The following BSND variants were observed in gnomAD, a reference collection of about 807,000 sequenced individuals.
BSND encodes the protein barttin CLCNK type accessory subunit beta, also known as barttin.
In BSND, 13 loss-of-function variants were observed where a neutral mutation model predicts 18.8. That is an observed-to-expected ratio of 0.69 (90% CI 0.45 to 1.10). BSND has a LOEUF of 1.10. BSND is among the 50% of genes least tolerant of loss of function. The pLI is 0.00. For synonymous variants in BSND, 170 were observed against 161.8 expected (o/e 1.05, Z -0.39); for missense variants, 379 against 416.7 (o/e 0.91, Z 0.79).
chr1:55,004,893 C>A (rs902595659), intron 1 of BSND, 129 bp from the exon 2 acceptor site: 2 of 812,730 alleles, frequency 2.5e-6, no homozygotes, highest in Non-Finnish European at 4.1e-6. Flanking sequence ...CCTCTCCTGT[C>A]AAGCAGGGAG....
chr1:55,001,245 T>TGTGTGTGTGTG (rs1644360233), intron 1 of BSND, among the ~76,000 whole-genome samples: 1 of 116,994 alleles, frequency 8.5e-6, no homozygotes, highest in African/African-American at 3.4e-5. Flanking sequence ...TGTGTGTGTG[T>TGTGTGTGTGTG]TGGGGGAGAC....
chr1:55,000,700 T>C (rs568390159), intron 1 of BSND, among the ~76,000 whole-genome samples: 2 of 152,308 alleles, frequency 1.3e-5, no homozygotes, highest in South Asian at 4.1e-4. Context: ...TCTGGGCTGG[T>C]TTGTAGTCAT....
rs566241613 is a variant in BSND, at chr1:55,014,787, G to T, written c.*6159G>T. 2.6e-5 allele frequency among the ~76,000 whole-genome samples: 4 copies of T among 152,314 alleles called. No individual in the cohort carries two copies. In the East Asian group the frequency reaches 7.7e-4, roughly 29 times the overall value. The stretch of plus-strand genomic sequence containing the variant: ...GCCTGGTGATTCTTAAGTGCTGAAG[G>T]GCTTAGTTGTTTGTTTTTCTTAAAT... On this transcript the variant is annotated 3_prime_UTR_variant, in exon 4 of 4. Coordinates refer to ENST00000651561, the MANE Select transcript of BSND (RefSeq NM_057176.3).
chr1:55,005,177 T>A (rs1644383522), intron 2 of BSND, 61 bp downstream of exon 2: 3 of 1,486,324 alleles, frequency 2.0e-6, no homozygotes, highest in Non-Finnish European at 2.8e-6. Context: ...CTCCCCTGAC[T>A]GAGGAGAGTG....
At chr1:55,003,933 A>G (rs574017571) in intron 1 of BSND, among the ~76,000 whole-genome samples, 25 of 152,370 alleles carry the variant, frequency 1.6e-4, no homozygotes, top group African/African-American at 6.0e-4. Flanking sequence ...TCACATTGTC[A>G]TCCAACCAAT....
At position 55,016,586 on chromosome 1, in the gene BSND, TTTGTTGTTG is replaced by T. The variant is rs751410289; in HGVS notation, c.*7970_*7978del. ...GTAGGACTTGCTCATTTATTCTAGT[TTTGTTGTTG>T]TTGTTGTTGTTTGTTTGTTGTTTTG... On this transcript the variant is annotated 3_prime_UTR_variant, in exon 4 of 4. Coordinates refer to ENST00000651561, the MANE Select transcript of BSND (RefSeq NM_057176.3). Among the ~76,000 whole-genome samples the T allele has an allele frequency of 2.3e-5, 3 of 129,040 alleles. No homozygotes were observed. The highest frequency in any genetic ancestry group is 7.7e-5 in the Admixed American group (1 of 13,062). 84.7% of individuals were successfully genotyped at this position (129,040 alleles called of 152,430 possible). A position where few individuals can be genotyped will look rare whatever the true frequency, so the allele number is the denominator to read the frequency against.
Position 55,013,207 on chromosome 1 carries a change from AG to A in BSND, c.*4581del, listed in dbSNP as rs1213573511. The stretch of plus-strand genomic sequence containing the variant: ...AGATGGAGTGTTGCGCTTGTTGCCC[AG>A]GCTAGAGTGCAATGGCGCAATCTCA... On this transcript the variant is annotated 3_prime_UTR_variant, in exon 4 of 4. Transcript: ENST00000651561. Among the ~76,000 whole-genome samples, 3 of 152,134 alleles carry A rather than the reference AG, an allele frequency of 2.0e-5. No individual in the cohort carries two copies. The highest frequency in any genetic ancestry group is 2.9e-5 in the Non-Finnish European group (2 of 68,032).
rs933143752 is a variant in BSND at position 55,015,234 on chromosome 1, G to T, written c.*6606G>T. ...TCATTCTCAACCTGCCCTGTGAAAG[G>T]TTTTTTCCACTCATGTCACTGGGTG... On this transcript the variant is annotated 3_prime_UTR_variant, in exon 4 of 4. Transcript: ENST00000651561. Among the ~76,000 whole-genome samples, 1 of 152,196 alleles carries T rather than the reference G, an allele frequency of 6.6e-6. No individual in the cohort carries two copies. The highest frequency in any genetic ancestry group is 1.9e-4 in the East Asian group (1 of 5,198).
At position 55,010,695 on chromosome 1, in the gene BSND, A is replaced by G. The variant is rs1270090376; in HGVS notation, c.*2067A>G. 6.6e-6 allele frequency: 1 copy of G among 152,276 alleles called. No individual in the cohort carries two copies. The highest frequency in any genetic ancestry group is 2.1e-4 in the South Asian group (1 of 4,822). The allele number at this position is 152,276 out of a possible 1,614,324, so 9.4% of individuals were successfully genotyped here. On this transcript the variant is annotated 3_prime_UTR_variant, in exon 4 of 4. Transcript: ENST00000651561. ...GTCATTTCTGCCTCTGCAGTGAAGG[A>G]TGCCACAGGGTACACCCTCTCTGCT...
At chr1:55,006,469 C>T (rs1644391915) in intron 2 of BSND, among the ~76,000 whole-genome samples, 1 of 152,130 alleles carries the variant, frequency 6.6e-6, no homozygotes, top group South Asian at 2.1e-4. Flanking sequence ...AGACTCTGTG[C>T]CTCAGTTTCT....
intron 1 of BSND, among the ~76,000 whole-genome samples, chr1:55,001,179 G>C (rs79016416): frequency 0.047 from 7,138 of 151,362 alleles, 432 homozygotes; most frequent in African/African-American, 0.14. Flanking sequence ...TTGTACGGCT[G>C]ATTGGGAGAA....
chr1:55,013,687 G>A lies in BSND; in HGVS notation c.*5059G>A, dbSNP rs1221240647. On this transcript the variant is annotated 3_prime_UTR_variant, in exon 4 of 4. Coordinates refer to ENST00000651561, the MANE Select transcript of BSND (RefSeq NM_057176.3). ...TTCCACTGAGCATCTCCCTGTGCTA[G>A]TGTGGAGGGAGACACCCCCCTGCAA... Among the ~76,000 whole-genome samples the A allele has an allele frequency of 6.6e-6, 1 of 152,176 alleles. No individual in the cohort carries two copies. The highest frequency in any genetic ancestry group is 1.9e-4 in the East Asian group (1 of 5,200).
rs1431543549 is a variant in BSND, at chr1:55,013,662, T to A, written c.*5034T>A. Among the ~76,000 whole-genome samples the A allele has an allele frequency of 1.3e-5, 2 of 152,092 alleles. No homozygotes were observed. The highest frequency in any genetic ancestry group is 2.9e-5 in the Non-Finnish European group (2 of 67,988). ...AGTATCAATAAGTCAGGCAGCAAGGTTCCACTGAGCATCTCCCTGTGCTAG... is the reference window on the plus strand; with the variant it reads ...AGTATCAATAAGTCAGGCAGCAAGGATCCACTGAGCATCTCCCTGTGCTAG... On this transcript the variant is annotated 3_prime_UTR_variant, in exon 4 of 4. Transcript: ENST00000651561.
At position 55,008,386 on chromosome 1, in the gene BSND, T is replaced by C. The variant is rs777491010; in HGVS notation, c.721T>C (p.Phe241Leu). 6.2e-7 allele frequency: 1 copy of C among 1,614,212 alleles called. No homozygotes were observed. ...CRCPLDRFQD[F>L]ALIDAPTLED... ...GTGCCCGCTGGACCGCTTCCAAGAC[T>C]TTGCCCTGATTGATGCCCCAACGTT... The change falls in exon 4 of 4, where the codon TTT becomes CTT. Residue 241 changes from phenylalanine (F) to leucine (L), a missense_variant. Phe to Leu is a conservative substitution (Grantham distance 22). Coordinates refer to ENST00000651561, the MANE Select transcript of BSND (RefSeq NM_057176.3).
In BSND at chr1:55,007,272, G is replaced by C; in HGVS notation, c.548G>C (p.Gly183Ala). The C allele has an allele frequency of 6.2e-7, 1 of 1,601,190 alleles. No homozygotes were observed. Among genetic ancestry groups the C allele is most frequent in the Non-Finnish European group, 8.5e-7 (1 of 1,171,554 alleles). Reference protein sequence around the residue: ...GERRLTQSWPGPLACPQGPAP... With the variant: ...GERRLTQSWPAPLACPQGPAP... Reference sequence around the variant, plus strand: ...AGACGCCTAACTCAGAGCTGGCCCGGGTGAGTGCTTAGAGGGCAGGAGTGG... The same window carrying C: ...AGACGCCTAACTCAGAGCTGGCCCGCGTGAGTGCTTAGAGGGCAGGAGTGG... The change falls in exon 3 of 4, where the codon GGC becomes GCC. Residue 183 changes from glycine (G) to alanine (A), a missense_variant and splice_region_variant. Transcript: ENST00000651561.
In BSND at chr1:54,999,104, T is replaced by C. The variant is rs112179763; in HGVS notation, c.-83T>C. On this transcript the variant is annotated 5_prime_UTR_variant, in exon 1 of 4. Coordinates refer to ENST00000651561, the MANE Select transcript of BSND (RefSeq NM_057176.3). ...GCGATTTCAGTGTCTTCTCTCCCTG[T>C]GTAAGCCTGTCTCGGTGTTTAGGCT... is the stretch of plus-strand genomic sequence containing the variant. The C allele has an allele frequency of 9.0e-6, 14 of 1,549,956 alleles. No individual in the cohort carries two copies. Among genetic ancestry groups the C allele is most frequent in the Middle Eastern group, 3.3e-4 (2 of 5,982 alleles).
rs751062690 is a variant in BSND at position 55,005,030 on chromosome 1, C to T, written c.186C>T (p.Phe62=). ...CTCTCCTTTGCTTGCAGATCACCTT[C>T]GTCCCTGCTGACTCTGACTTTCAAG... ...SMCQCYPKIT[F]VPADSDFQGI... is the part of the protein sequence containing the mutation. The change falls in exon 2 of 4, where the codon TTC becomes TTT. Residue 62 remains phenylalanine, a synonymous_variant. Coordinates refer to ENST00000651561, the MANE Select transcript of BSND (RefSeq NM_057176.3). 1.4e-5 allele frequency: 23 copies of T among 1,614,022 alleles called. No individual in the cohort carries two copies. Among genetic ancestry groups the T allele is most frequent in the Admixed American group, 6.7e-5 (4 of 60,004 alleles).
chr1:55,014,936 C>T lies in BSND; in HGVS notation c.*6308C>T, dbSNP rs1644442283. 6.6e-6 allele frequency among the ~76,000 whole-genome samples: 1 copy of T among 152,026 alleles called. No homozygotes were observed. Among genetic ancestry groups the T allele is most frequent in the Non-Finnish European group, 1.5e-5 (1 of 68,010 alleles). The stretch of plus-strand genomic sequence containing the variant: ...GGCAGAGGGCATGGCATAGGCAAAG[C>T]CTTGGGGGAAGGAAGGAGGAAGAAG... On this transcript the variant is annotated 3_prime_UTR_variant, in exon 4 of 4. Transcript: ENST00000651561.
chr1:55,002,837 A>G (rs1479139880), intron 1 of BSND, among the ~76,000 whole-genome samples: 4 of 98,172 alleles, frequency 4.1e-5, no homozygotes, highest in Admixed American at 2.1e-4. Flanking sequence ...GATAAGAATG[A>G]TGATGGTAAA....
Sources: gnomAD v4.1 joint callset for allele counts (sites outside exome capture counted in the v4.1 genomes callset) on GRCh38, gnomAD v4.1.1 for gene constraint, MANE v1.5 for transcripts, NCBI Gene and HGNC (gene_info 2026-07-23, HGNC 2026-07-21) for gene names.